The following DNAJC15 variants were observed in gnomAD, a reference collection of about 807,000 sequenced individuals.
DNAJC15 encodes DnaJ heat shock protein family (Hsp40) member C15, also known as dnaJ homolog subfamily C member 15.
DNAJC15 carries 27 observed loss-of-function variants against 22.4 expected under a neutral mutation model. The observed-to-expected ratio is 1.20, with a 90% confidence interval of 0.89 to 1.66. The LOEUF is 1.66. Ranked by LOEUF, DNAJC15 falls within the 40% of genes most tolerant of loss-of-function variation. The pLI, the probability that DNAJC15 is intolerant of heterozygous loss-of-function variation, is 0.00. For synonymous variants in DNAJC15, 79 were observed against 63.2 expected (o/e 1.25, Z -1.19); for missense variants, 208 against 187.1 (o/e 1.11, Z -0.65).
At chr13:43,093,684 G>A (rs1315175510) in intron 5 of DNAJC15, among the ~76,000 whole-genome samples, 2 of 152,010 alleles carry the variant, frequency 1.3e-5, no homozygotes, top group Admixed American at 1.3e-4. Context: ...CAAAGTGCTG[G>A]GATTACAGGC....
chr13:43,091,513 A>G (rs1270628036), intron 5 of DNAJC15, among the ~76,000 whole-genome samples: 1 of 152,194 alleles, frequency 6.6e-6, no homozygotes, highest in East Asian at 1.9e-4. Flanking sequence ...TATTGTTACA[A>G]ATGGGTTCAT....
chr13:43,073,558 T>G (rs1034219735), intron 3 of DNAJC15, among the ~76,000 whole-genome samples: 7 of 152,246 alleles, frequency 4.6e-5, no homozygotes, highest in Non-Finnish European at 8.8e-5. Context: ...TGTTCTGGTT[T>G]AATAAGTTTC....
At chr13:43,058,072 T>C (rs1197416114) in intron 1 of DNAJC15, among the ~76,000 whole-genome samples, 1 of 152,240 alleles carries the variant, frequency 6.6e-6, no homozygotes, top group East Asian at 1.9e-4. Context: ...TACTGGGTAC[T>C]AGTAGTACAG....
At chr13:43,055,060 G>A (rs1445845196) in intron 1 of DNAJC15, among the ~76,000 whole-genome samples, 1 of 145,248 alleles carries the variant, frequency 6.9e-6, no homozygotes, top group Non-Finnish European at 1.5e-5. Flanking sequence ...AGATAGAGAA[G>A]CTAAAAGTGG....
chr13:43,059,343 C>A (rs2040546217), intron 1 of DNAJC15, among the ~76,000 whole-genome samples: 1 of 151,814 alleles, frequency 6.6e-6, no homozygotes, highest in Non-Finnish European at 1.5e-5. Flanking sequence ...ATGAGATATC[C>A]TTCAGTGAGC....
intron 1 of DNAJC15, among the ~76,000 whole-genome samples, chr13:43,065,150 T>G (rs781126039): frequency 6.6e-6 from 1 of 152,214 alleles, no homozygotes; most frequent in Non-Finnish European, 1.5e-5. Flanking sequence ...TCTGACATTC[T>G]GAATTTTGGA....
At chr13:43,071,429 T>A (rs1006498707) in intron 3 of DNAJC15, among the ~76,000 whole-genome samples, 1 of 152,146 alleles carries the variant, frequency 6.6e-6, no homozygotes, top group Non-Finnish European at 1.5e-5. Context: ...GTGCTACTCT[T>A]AAGAGTTTGC....
At chr13:43,101,379 A>G (rs9525740) in intron 5 of DNAJC15, among the ~76,000 whole-genome samples, 31,901 of 152,078 alleles carry the variant, frequency 0.21, 4,317 homozygotes, top group Non-Finnish European at 0.3. Context: ...TTTTGATTGG[A>G]TTGTTTAATC....
chr13:43,044,640 T>G (rs1177296117), intron 1 of DNAJC15, among the ~76,000 whole-genome samples: 1 of 152,204 alleles, frequency 6.6e-6, no homozygotes. Flanking sequence ...CGAGAGACTT[T>G]TGGATATATT....
intron 1 of DNAJC15, among the ~76,000 whole-genome samples, chr13:43,032,211 T>G (rs1167370788): frequency 1.3e-5 from 2 of 152,190 alleles, no homozygotes; most frequent in Non-Finnish European, 2.9e-5. Context: ...ATCCCATTGG[T>G]CTGACTCTAC....
intron 1 of DNAJC15, among the ~76,000 whole-genome samples, chr13:43,048,814 T>C (rs1384214863): frequency 6.6e-6 from 1 of 152,226 alleles, no homozygotes; most frequent in African/African-American, 2.4e-5. Flanking sequence ...GGTACCCTAA[T>C]TTTGTGTAAC....
chr13:43,074,034 A>G (rs917273108), intron 3 of DNAJC15, among the ~76,000 whole-genome samples: 7 of 151,616 alleles, frequency 4.6e-5, no homozygotes, highest in African/African-American at 1.7e-4. Context: ...TTTAAATTGC[A>G]TTTATTTTGT....
intron 1 of DNAJC15, among the ~76,000 whole-genome samples, chr13:43,057,266 G>A (rs551273631): frequency 5.9e-5 from 9 of 152,064 alleles, no homozygotes; most frequent in East Asian, 1.9e-4. Context: ...GTCATTTAAC[G>A]TAATCCCAAA....
At chr13:43,104,284 T>C (rs941356218) in intron 5 of DNAJC15, among the ~76,000 whole-genome samples, 2 of 152,182 alleles carry the variant, frequency 1.3e-5, no homozygotes, top group African/African-American at 4.8e-5. Context: ...TAGAGTTTCA[T>C]ATATATCTGG....
At chr13:43,074,282 A>G (rs1218829376) in intron 3 of DNAJC15, among the ~76,000 whole-genome samples, 1 of 152,210 alleles carries the variant, frequency 6.6e-6, no homozygotes, top group African/African-American at 2.4e-5. Context: ...GGAGACACAA[A>G]ATAATCTAAC....
chr13:43,068,528 TAAA>T (rs2040593775), intron 2 of DNAJC15, among the ~76,000 whole-genome samples: 4 of 152,096 alleles, frequency 2.6e-5, no homozygotes, highest in Admixed American at 2.6e-4. Context: ...GTGATTATCA[TAAA>T]AAGCAATACA....
intron 1 of DNAJC15, among the ~76,000 whole-genome samples, chr13:43,049,922 T>C (rs913543729): frequency 4.6e-5 from 7 of 152,180 alleles, no homozygotes; most frequent in Admixed American, 2.0e-4. Flanking sequence ...TTGTTTGTTT[T>C]ATTTTATTTG....
intron 4 of DNAJC15, among the ~76,000 whole-genome samples, chr13:43,082,900 ATG>A (rs61375153): frequency 1.0e-3 from 153 of 151,150 alleles, no homozygotes; most frequent in Middle Eastern, 3.4e-3. Flanking sequence ...GTGTATATAT[ATG>A]TGTGTGTGTG....
At chr13:43,062,819 A>G (rs1238230302) in intron 1 of DNAJC15, among the ~76,000 whole-genome samples, 3 of 151,848 alleles carry the variant, frequency 2.0e-5, no homozygotes, top group Non-Finnish European at 4.4e-5. Flanking sequence ...CCTGGGTTCA[A>G]GTGATTCTCC....
Sources: gnomAD v4.1 joint callset for allele counts (sites outside exome capture counted in the v4.1 genomes callset) on GRCh38, gnomAD v4.1.1 for gene constraint, MANE v1.5 for transcripts, NCBI Gene and HGNC (gene_info 2026-07-23, HGNC 2026-07-21) for gene names.